The following LINGO2 variants were observed in gnomAD, a reference collection of about 807,000 sequenced individuals.
LINGO2 encodes leucine rich repeat and Ig domain containing 2.
LINGO2 carries 14 observed loss-of-function variants against 30.6 expected under a neutral mutation model. That is an observed-to-expected ratio of 0.46 (90% CI 0.30 to 0.72). LINGO2 has a LOEUF of 0.72. LINGO2 is among the 30% of genes least tolerant of loss of function. The pLI is 0.07. For synonymous variants in LINGO2, 317 were observed against 288.5 expected (o/e 1.10, Z -1.00); for missense variants, 729 against 751.7 (o/e 0.97, Z 0.35).
At chr9:28,144,464 T>G (rs1468504732) in intron 4 of LINGO2, among the ~76,000 whole-genome samples, 2 of 152,204 alleles carry the variant, frequency 1.3e-5, no homozygotes, top group African/African-American at 4.8e-5. Flanking sequence ...TTATATAAGA[T>G]TTCTTGAATG....
intron 4 of LINGO2, among the ~76,000 whole-genome samples, chr9:28,283,491 T>C (rs1395793930): frequency 6.6e-6 from 1 of 152,134 alleles, no homozygotes; most frequent in Non-Finnish European, 1.5e-5. Context: ...TACAATATCA[T>C]AGAAATGTAT....
chr9:28,419,541 G>T (rs750124990), intron 2 of LINGO2, among the ~76,000 whole-genome samples: 25 of 151,100 alleles, frequency 1.7e-4, no homozygotes, highest in Non-Finnish European at 3.2e-4. Flanking sequence ...AACGGAAGAA[G>T]AACAAGCCTG....
intron 1 of LINGO2, among the ~76,000 whole-genome samples, chr9:28,574,674 C>T (rs988211490): frequency 7.9e-5 from 12 of 152,106 alleles, no homozygotes; most frequent in African/African-American, 2.7e-4. Flanking sequence ...ACTGTAACCC[C>T]GCATTCACAG....
the LINGO2 span, among the ~76,000 whole-genome samples, chr9:28,869,692 T>C: frequency 6.6e-6 from 1 of 151,924 alleles, no homozygotes; most frequent in Non-Finnish European, 1.5e-5. Context: ...AGCCCACAGA[T>C]CAAGAGGTGA....
chr9:28,885,854 C>T, the LINGO2 span, among the ~76,000 whole-genome samples: 1 of 152,090 alleles, frequency 6.6e-6, no homozygotes, highest in African/African-American at 2.4e-5. Context: ...TTAGTCAGTA[C>T]AAACAGCTGA....
chr9:28,471,464 TCAG>T (rs1158096059), intron 2 of LINGO2, among the ~76,000 whole-genome samples: 13 of 152,172 alleles, frequency 8.5e-5, no homozygotes, highest in African/African-American at 2.4e-4. Flanking sequence ...TTATTCTCTC[TCAG>T]TGACTTAATC....
intron 2 of LINGO2, among the ~76,000 whole-genome samples, chr9:28,422,385 G>C (rs949474537): frequency 2.6e-5 from 4 of 152,024 alleles, no homozygotes; most frequent in Non-Finnish European, 5.9e-5. Flanking sequence ...TTAAAAAGAA[G>C]ATGTGCAAAT....
chr9:28,582,739 C>T (rs867717846), intron 1 of LINGO2, among the ~76,000 whole-genome samples: 31 of 152,174 alleles, frequency 2.0e-4, no homozygotes, highest in Admixed American at 3.9e-4. Flanking sequence ...GCCTTACAAA[C>T]GCAGCTCTCC....
chr9:28,193,476 G>A (rs1819894417), intron 4 of LINGO2, among the ~76,000 whole-genome samples: 1 of 152,048 alleles, frequency 6.6e-6, no homozygotes, highest in Admixed American at 6.6e-5. Flanking sequence ...GACAGTAAAG[G>A]AAGATTATCC....
At position 28,028,864 on chromosome 9, in the gene LINGO2, C is replaced by T. The variant is rs78990751; in HGVS notation, c.-86-16459G>A. Among the ~76,000 whole-genome samples, 84 of 152,190 alleles carry T rather than the reference C, an allele frequency of 5.5e-4. No individual in the cohort carries two copies. The East Asian group carries it at 0.012, about 22-fold the overall frequency. ...GAAAGCATATATATAAGTATACAGA[C>T]ACACACAAGCACACATTTGTAATCA... On this transcript the variant is annotated intron_variant, in intron 4 of 5. Transcript: ENST00000379992.
chr9:28,716,705 T>C, the LINGO2 span, among the ~76,000 whole-genome samples: 1 of 152,104 alleles, frequency 6.6e-6, no homozygotes, highest in Admixed American at 6.6e-5. Context: ...GACAGAAAGA[T>C]AGATAGGTAG....
the LINGO2 span, among the ~76,000 whole-genome samples, chr9:28,926,964 C>T: frequency 6.6e-6 from 1 of 152,156 alleles, no homozygotes; most frequent in Admixed American, 6.6e-5. Context: ...TTATTCTGTC[C>T]TCTGTCCACA....
At chr9:28,574,137 T>G (rs543447560) in intron 1 of LINGO2, among the ~76,000 whole-genome samples, 4 of 152,188 alleles carry the variant, frequency 2.6e-5, no homozygotes, top group Non-Finnish European at 5.9e-5. Context: ...AAGCCTAATC[T>G]ATGAGTATGA....
At position 28,497,656 on chromosome 9, in the gene LINGO2, A is replaced by G. The variant is rs555766197; in HGVS notation, c.-364-21631T>C. 8.1e-3 allele frequency among the ~76,000 whole-genome samples: 1,233 copies of G among 152,070 alleles called. 16 individuals are homozygous for G. Among genetic ancestry groups the G allele is most frequent in the South Asian group, 0.014 (66 of 4,812 alleles). On this transcript the variant is annotated intron_variant, in intron 1 of 5. Transcript: ENST00000379992. ...GATTGTCTAAAGCCTTCTTCTCTCA[A>G]CTCATCAAAGTCATTCTCCATCCAG...
At chr9:29,080,905 T>G in the LINGO2 span, among the ~76,000 whole-genome samples, 3 of 152,254 alleles carry the variant, frequency 2.0e-5, no homozygotes, top group Middle Eastern at 0.01. Flanking sequence ...GATGTGGTTC[T>G]GAGAAGACTG....
chr9:29,089,805 C>T, the LINGO2 span, among the ~76,000 whole-genome samples: 1 of 151,926 alleles, frequency 6.6e-6, no homozygotes, highest in South Asian at 2.1e-4. Context: ...CATAAGGAAA[C>T]TAGTTCCATG....
At chr9:28,826,422 G>A in the LINGO2 span, among the ~76,000 whole-genome samples, 1 of 152,102 alleles carries the variant, frequency 6.6e-6, no homozygotes, top group Non-Finnish European at 1.5e-5. Context: ...GCTTCAGTGG[G>A]CCAGATTTTT....
chr9:28,064,275 C>G (rs1004151732), intron 4 of LINGO2, among the ~76,000 whole-genome samples: 2 of 152,054 alleles, frequency 1.3e-5, no homozygotes, highest in East Asian at 3.9e-4. Context: ...TTAAAGGCAC[C>G]GACATTTCCA....
In LINGO2 at chr9:28,148,302, T is replaced by C. The variant is rs28516035; in HGVS notation, c.-86-135897A>G. ...AGCCCCGCCTCAAGGAAGAAACCCA[T>C]GCTGTCTGCTCACAACTCCAGGATG... On this transcript the variant is annotated intron_variant, in intron 4 of 5. Transcript: ENST00000379992. This position sits in a 1 kb window ranked among gnomAD's most constrained non-coding sequence, Gnocchi z 5.1. 198,771 of 815,508 alleles carry C rather than the reference T, an allele frequency of 0.24. 25,048 individuals carry two copies. The highest frequency in any genetic ancestry group is 0.26 in the Non-Finnish European group (129,358 of 495,532). 50.5% of individuals were successfully genotyped at this position (815,508 alleles called of 1,614,324 possible). A position where few individuals can be genotyped will look rare whatever the true frequency, so the allele number is the denominator to read the frequency against.
Sources: gnomAD v4.1 joint callset for allele counts (sites outside exome capture counted in the v4.1 genomes callset) on GRCh38, gnomAD v4.1.1 for gene constraint, Gnocchi (gnomAD v3.1) non-coding constraint, MANE v1.5 for transcripts, NCBI Gene and HGNC (gene_info 2026-07-23, HGNC 2026-07-21) for gene names.